Variants in CACNG3 observed in about 807,000 individuals in gnomAD.
CACNG3 encodes calcium voltage-gated channel auxiliary subunit gamma 3.
Under a neutral mutation model 28.5 loss-of-function variants are expected in CACNG3, and 3 were observed. That is an observed-to-expected ratio of 0.11 (90% CI 0.05 to 0.27). The LOEUF (loss-of-function observed/expected upper bound fraction) is 0.27, where lower values mean the gene tolerates loss of function less well. Ranked by LOEUF, CACNG3 falls within the 10% of genes least tolerant of loss-of-function variation. The pLI is 1.00. For synonymous variants in CACNG3, 174 were observed against 162.2 expected, an observed-to-expected ratio of 1.07 and a Z score of -0.55; for missense variants, 236 against 414.4, an observed-to-expected ratio of 0.57 and a Z score of 3.74.
chr16:24,317,570 G>C (rs1423546007), intron 1 of CACNG3, among the ~76,000 whole-genome samples: 1 of 46,632 alleles, frequency 2.1e-5, no homozygotes. Context: ...AAGAAAGAAA[G>C]AAAGAAAGAA....
intron 1 of CACNG3, among the ~76,000 whole-genome samples, chr16:24,262,731 C>A (rs1302274219): frequency 6.6e-6 from 1 of 152,232 alleles, no homozygotes; most frequent in African/African-American, 2.4e-5. Context: ...ACTTACTCCT[C>A]TTCTTTCTTC....
At chr16:24,298,745 C>A (rs1467855026) in intron 1 of CACNG3, among the ~76,000 whole-genome samples, 6 of 152,150 alleles carry the variant, frequency 3.9e-5, no homozygotes, top group Non-Finnish European at 8.8e-5. Flanking sequence ...GTCATCATAT[C>A]TCCTTGGGTA....
At chr16:24,260,961 G>A (rs1898528981) in intron 1 of CACNG3, among the ~76,000 whole-genome samples, 1 of 152,176 alleles carries the variant, frequency 6.6e-6, no homozygotes. Context: ...ATGAAGTCCT[G>A]GAGACAATCA....
chr16:24,319,946 T>C lies in CACNG3; in HGVS notation c.212-26788T>C, dbSNP rs1024726452. On this transcript the variant is annotated intron_variant, in intron 1 of 3. Coordinates refer to ENST00000005284, the MANE Select transcript of CACNG3 (RefSeq NM_006539.4). ...CCACCATGCCCCGCTAATTTTTGCA[T>C]TTTTAGTAGAGATGGGGTTTCACCA... 3.3e-5 allele frequency among the ~76,000 whole-genome samples: 5 copies of C among 152,256 alleles called. No individual in the cohort carries two copies. In the East Asian group the frequency reaches 7.7e-4, roughly 24 times the overall value.
intron 1 of CACNG3, among the ~76,000 whole-genome samples, chr16:24,277,314 G>A (rs969836124): frequency 6.6e-6 from 1 of 152,174 alleles, no homozygotes; most frequent in Non-Finnish European, 1.5e-5. Flanking sequence ...AGGAACATTT[G>A]GTAATGTCTG....
At chr16:24,358,308 G>A (rs746890327) in intron 3 of CACNG3, among the ~76,000 whole-genome samples, 1 of 152,234 alleles carries the variant, frequency 6.6e-6, no homozygotes, top group African/African-American at 2.4e-5. Flanking sequence ...CTTTCCTGCT[G>A]TGTGACTTTG....
chr16:24,313,424 C>CT (rs1885783638), intron 1 of CACNG3, among the ~76,000 whole-genome samples: 1 of 152,160 alleles, frequency 6.6e-6, no homozygotes, highest in South Asian at 2.1e-4. Flanking sequence ...AAACCCTACA[C>CT]TAAGTTGTCT....
intron 1 of CACNG3, among the ~76,000 whole-genome samples, chr16:24,262,782 C>T (rs1306912177): frequency 7.2e-5 from 11 of 152,200 alleles, no homozygotes; most frequent in Non-Finnish European, 1.3e-4. Flanking sequence ...ATTCCACCTA[C>T]CTTAGGAAGT....
At chr16:24,257,114 A>G in intron 1 of CACNG3, 149 bp downstream of exon 1, 1 of 629,502 alleles carries the variant, frequency 1.6e-6, no homozygotes, top group Non-Finnish European at 2.8e-6. Context: ...GTTAACAGCA[A>G]GACTGACGCC....
intron 1 of CACNG3, among the ~76,000 whole-genome samples, chr16:24,305,143 C>T (rs544046334): frequency 1.3e-5 from 2 of 151,846 alleles, no homozygotes; most frequent in Admixed American, 6.6e-5. Context: ...GGTTCATCAG[C>T]CGTGTGTGAC....
chr16:24,326,854 A>G (rs1029097738), intron 1 of CACNG3, among the ~76,000 whole-genome samples: 25 of 152,174 alleles, frequency 1.6e-4, no homozygotes, highest in Admixed American at 1.4e-3. Flanking sequence ...TGCCTGGTAC[A>G]GACCAGTAAC....
chr16:24,293,775 G>A (rs534904636), intron 1 of CACNG3, among the ~76,000 whole-genome samples: 17 of 152,044 alleles, frequency 1.1e-4, no homozygotes, highest in Non-Finnish European at 1.9e-4. Context: ...GACCAGAGAG[G>A]CAAATCTATC....
intron 1 of CACNG3, among the ~76,000 whole-genome samples, chr16:24,266,559 C>T (rs573538379): frequency 1.3e-5 from 2 of 152,236 alleles, no homozygotes; most frequent in South Asian, 2.1e-4. Context: ...AAACGATACC[C>T]TAAGTAGCAC....
intron 1 of CACNG3, among the ~76,000 whole-genome samples, chr16:24,308,611 TTGGGAGGCCAAGG>T (rs1432711544): frequency 2.0e-5 from 3 of 151,962 alleles, no homozygotes; most frequent in Non-Finnish European, 4.4e-5. Context: ...TCCCAGCACT[TTGGGAGGCCAAGG>T]TGAGAGGATC....
At chr16:24,303,344 GTATTTATT>G (rs35148228) in intron 1 of CACNG3, among the ~76,000 whole-genome samples, 127 of 149,992 alleles carry the variant, frequency 8.5e-4, no homozygotes, top group East Asian at 2.9e-3. Flanking sequence ...CTCTATGTGT[GTATTTATT>G]TATTTATTTA....
chr16:24,313,352 A>G (rs567947580), intron 1 of CACNG3, among the ~76,000 whole-genome samples: 2 of 152,372 alleles, frequency 1.3e-5, no homozygotes, highest in Admixed American at 6.5e-5. Flanking sequence ...CAGGTCACAC[A>G]GCTTGAAGTA....
At chr16:24,330,097 G>A (rs1260888086) in intron 1 of CACNG3, among the ~76,000 whole-genome samples, 2 of 152,196 alleles carry the variant, frequency 1.3e-5, no homozygotes, top group Non-Finnish European at 2.9e-5. Context: ...TGAGACATAA[G>A]TTAAATGCCA....
At chr16:24,346,458 G>A (rs757002781) in intron 1 of CACNG3, among the ~76,000 whole-genome samples, 4 of 152,176 alleles carry the variant, frequency 2.6e-5, no homozygotes, top group Middle Eastern at 6.3e-3. Context: ...CATGCCTATA[G>A]TCCCAGCTAC....
At chr16:24,282,615 G>A (rs1044606919) in intron 1 of CACNG3, among the ~76,000 whole-genome samples, 10 of 152,038 alleles carry the variant, frequency 6.6e-5, no homozygotes, top group Admixed American at 2.0e-4. Context: ...GTGGACATGA[G>A]AGTCCCAAGA....
Sources: allele counts gnomAD v4.1 joint callset (sites outside exome capture counted in the v4.1 genomes callset), GRCh38; gene constraint gnomAD v4.1.1; transcripts MANE v1.5; gene names NCBI Gene and HGNC (gene_info 2026-07-23, HGNC 2026-07-21).